Variants in CKMT2 observed in about 807,000 individuals in gnomAD.
The protein encoded by CKMT2 is creatine kinase S-type, mitochondrial.
In CKMT2, 43 loss-of-function variants were observed where a neutral mutation model predicts 48.9. The observed-to-expected ratio is 0.88, with a 90% CI of 0.69 to 1.13. The LOEUF (loss-of-function observed/expected upper bound fraction) is 1.13. CKMT2 is among the 50% of genes most tolerant of loss of function. The probability of loss-of-function intolerance (pLI) is 0.00; values close to 1 mark genes in which losing one functional copy is unlikely to be tolerated. For synonymous variants in CKMT2, 206 were observed against 213.0 expected (o/e 0.97, Z 0.29); for missense variants, 472 against 555.4 (o/e 0.85, Z 1.51).
chr5:81,265,619 A>G (rs1212165578), intron 9 of CKMT2, among the ~76,000 whole-genome samples: 1 of 152,246 alleles, frequency 6.6e-6, no homozygotes, highest in African/African-American at 2.4e-5. Flanking sequence ...TTTAGAAAGT[A>G]TATCTTAATT....
chr5:81,244,391 G>A (rs1756538343), intron 1 of CKMT2, among the ~76,000 whole-genome samples: 1 of 152,170 alleles, frequency 6.6e-6, no homozygotes, highest in South Asian at 2.1e-4. Flanking sequence ...GTCTGATGAT[G>A]CTGGAGGTCT....
chr5:81,259,488 C>G, intron 8 of CKMT2: 1 of 356,376 alleles, frequency 2.8e-6, no homozygotes, highest in South Asian at 1.1e-4. Flanking sequence ...TTACATTTTT[C>G]CTCATGTAAC....
chr5:81,244,049 G>C lies in CKMT2; in HGVS notation c.-20-7064G>C, dbSNP rs113120196. 3 of 985,242 alleles carry C rather than the reference G, an allele frequency of 3.0e-6. No individual in the cohort carries two copies. In the African/African-American group the frequency reaches 5.2e-5, roughly 17 times the overall value. 61.0% of individuals were successfully genotyped at this position (985,242 alleles called of 1,614,324 possible). On this transcript the variant is annotated intron_variant, in intron 1 of 9. Coordinates refer to ENST00000254035, the MANE Select transcript of CKMT2 (RefSeq NM_001099735.2). The stretch of plus-strand genomic sequence containing the variant: ...CTCTTTCCCCAAAAATAGATCAAAG[G>C]AAATGTTTCCCTTTGTCCCGTTTCA...
At position 81,251,121 on chromosome 5, in the gene CKMT2, C is replaced by G; in HGVS notation, c.-12C>G. 1 of 1,613,224 alleles carries G rather than the reference C, an allele frequency of 6.2e-7. No individual in the cohort carries two copies. Among genetic ancestry groups the G allele is most frequent in the Non-Finnish European group, 8.5e-7 (1 of 1,179,466 alleles). ...GCTTCTTTGCTTTCCAGACACTCAT[C>G]CAAGAGGAAGGATGGCCAGTATCTT... On this transcript the variant is annotated 5_prime_UTR_variant, in exon 2 of 10. In the 5' UTR this introduces an upstream ATG that the reference lacks. Coordinates refer to ENST00000254035, the MANE Select transcript of CKMT2 (RefSeq NM_001099735.2).
intron 2 of CKMT2, among the ~76,000 whole-genome samples, chr5:81,251,485 G>C (rs1022966010): frequency 6.6e-6 from 1 of 152,210 alleles, no homozygotes; most frequent in Non-Finnish European, 1.5e-5. Context: ...CTACTTGGGA[G>C]GCTGAGGCAG....
chr5:81,247,102 A>AT (rs1312354863), intron 1 of CKMT2: 1 of 152,212 alleles, frequency 6.6e-6, no homozygotes, highest in Non-Finnish European at 1.5e-5. Flanking sequence ...TTGAGATTTT[A>AT]TCCCAGGGAG....
chr5:81,247,641 G>C (rs1756656900), intron 1 of CKMT2, among the ~76,000 whole-genome samples: 2 of 152,210 alleles, frequency 1.3e-5, no homozygotes, highest in South Asian at 2.1e-4. Context: ...GGAGAGCATG[G>C]AACAGCCATT....
At chr5:81,246,841 T>C (rs1318109954) in intron 1 of CKMT2, 3 of 152,192 alleles carry the variant, frequency 2.0e-5, no homozygotes, top group African/African-American at 7.2e-5. Flanking sequence ...AGCCCTGTGA[T>C]ATCTAGCAGC....
intron 1 of CKMT2, chr5:81,244,847 A>ATTTTTT (rs71000809): frequency 1.8e-5 from 2 of 113,626 alleles, no homozygotes; most frequent in African/African-American, 3.4e-5. Flanking sequence ...CCCCCTCACT[A>ATTTTTT]TTTTTTTTTT....
chr5:81,257,918 TTGAAAGAAGA>T, intron 7 of CKMT2, 62 bp downstream of exon 7: 2 of 1,510,746 alleles, frequency 1.3e-6, no homozygotes, highest in South Asian at 2.5e-5. Context: ...TTGTTTGTTC[TTGAAAGAAGA>T]CACTATGGTA....
At chr5:81,252,311 C>T (rs1756844222) in intron 2 of CKMT2, 1 of 240,678 alleles carries the variant, frequency 4.2e-6, no homozygotes, top group Admixed American at 5.1e-5. Context: ...GCCAGCAACC[C>T]CCATGTACCT....
intron 5 of CKMT2, 42 bp downstream of exon 5, chr5:81,255,256 G>C: frequency 1.3e-6 from 2 of 1,575,714 alleles, no homozygotes; most frequent in Non-Finnish European, 1.7e-6. Flanking sequence ...ACTGGACCAA[G>C]GGCTCTGACC....
chr5:81,249,724 T>C (rs1330726193), intron 1 of CKMT2, among the ~76,000 whole-genome samples: 2 of 152,240 alleles, frequency 1.3e-5, no homozygotes, highest in Non-Finnish European at 1.5e-5. Flanking sequence ...TCCTTTGTTA[T>C]TGATCTGTTT....
chr5:81,242,123 G>A (rs2277034), intron 1 of CKMT2, among the ~76,000 whole-genome samples: 2,711 of 152,274 alleles, frequency 0.018, 54 homozygotes, highest in East Asian at 0.11. Flanking sequence ...ATGGTCAAAC[G>A]GTCAGGAGCC....
At chr5:81,241,893 C>A (rs1756447013) in intron 1 of CKMT2, among the ~76,000 whole-genome samples, 1 of 151,870 alleles carries the variant, frequency 6.6e-6, no homozygotes, top group African/African-American at 2.4e-5. Flanking sequence ...AATTGTTTCC[C>A]CAACACCTAG....
chr5:81,237,339 G>T (rs908467128), intron 1 of CKMT2, among the ~76,000 whole-genome samples: 2 of 152,062 alleles, frequency 1.3e-5, no homozygotes, highest in Admixed American at 6.6e-5. Context: ...CTGTCCCGTC[G>T]TCTTCACAAC....
chr5:81,266,236 T>C lies in CKMT2; in HGVS notation c.1238T>C (p.Leu413Pro). The C allele has an allele frequency of 6.2e-7, 1 of 1,613,298 alleles. No individual in the cohort carries two copies. Reference sequence around the variant, plus strand: ...CAAGATATTAAGGTGCCACCCCCTCTGCCTCAGTTTGGCAAAAAGTAAACT... The same window carrying C: ...CAAGATATTAAGGTGCCACCCCCTCCGCCTCAGTTTGGCAAAAAGTAAACT... ...RGQDIKVPPP[L>P]PQFGKK is the part of the protein sequence containing the mutation. Residue 413 changes from leucine (L) to proline (P), a missense_variant, in exon 10 of 10, where the codon CTG (leucine) becomes CCG (proline). Leu to Pro is a moderately conservative substitution (Grantham distance 98). Coordinates refer to ENST00000254035, the MANE Select transcript of CKMT2 (RefSeq NM_001099735.2).
chr5:81,242,022 G>T (rs988792707), intron 1 of CKMT2, among the ~76,000 whole-genome samples: 3 of 151,436 alleles, frequency 2.0e-5, no homozygotes, highest in African/African-American at 4.9e-5. Context: ...GCTGGCTTTC[G>T]TCTGTTATCT....
At chr5:81,234,021 T>C (rs3083041) in intron 1 of CKMT2, among the ~76,000 whole-genome samples, 2 of 91,932 alleles carry the variant, frequency 2.2e-5, no homozygotes, top group African/African-American at 8.8e-5. Context: ...GGAGGTTAAT[T>C]AAAAAAAAAA....
Sources: gnomAD v4.1 joint callset for allele counts (sites outside exome capture counted in the v4.1 genomes callset) on GRCh38, gnomAD v4.1.1 for gene constraint, MANE v1.5 for transcripts, NCBI Gene and HGNC (gene_info 2026-07-23, HGNC 2026-07-21) for gene names.